PTPRD: variants seen among roughly 807,000 people sequenced by gnomAD.
The protein encoded by PTPRD is protein tyrosine phosphatase receptor type D.
PTPRD carries 34 observed loss-of-function variants against 214.5 expected under a neutral mutation model. The observed-to-expected ratio is 0.16, with a 90% CI of 0.12 to 0.21. The LOEUF (loss-of-function observed/expected upper bound fraction) is 0.21. Among genes scored for constraint, PTPRD ranks in the 10% least tolerant of loss-of-function variants. The pLI, the probability that PTPRD is intolerant of heterozygous loss-of-function variation, is 1.00. For synonymous variants in PTPRD, 1,128 were observed against 845.7 expected, an observed-to-expected ratio of 1.33 and a Z score of -5.79; for missense variants, 2,545 against 2,398.7, an observed-to-expected ratio of 1.06 and a Z score of -1.27.
intron 14 of PTPRD, among the ~76,000 whole-genome samples, chr9:8,617,596 A>G (rs1353149878): frequency 2.0e-5 from 3 of 152,112 alleles, no homozygotes. Context: ...GGGATAAGCA[A>G]TACTGATTTC....
At chr9:8,350,379 C>G (rs2075111028) in intron 39 of PTPRD, among the ~76,000 whole-genome samples, 1 of 152,062 alleles carries the variant, frequency 6.6e-6, no homozygotes, top group Non-Finnish European at 1.5e-5. Context: ...CTAAAAAAAT[C>G]ATTGTGAGCA....
At chr9:9,054,710 T>C (rs2099693027) in intron 10 of PTPRD, among the ~76,000 whole-genome samples, 1 of 152,228 alleles carries the variant, frequency 6.6e-6, no homozygotes, top group Non-Finnish European at 1.5e-5. Context: ...CATTCATTGA[T>C]CATATACTGG....
At chr9:8,321,255 A>G (rs990244584) in intron 44 of PTPRD, among the ~76,000 whole-genome samples, 1 of 151,756 alleles carries the variant, frequency 6.6e-6, no homozygotes, top group African/African-American at 2.4e-5. Flanking sequence ...TTACCTTGCC[A>G]GAGTCTATCT....
intron 11 of PTPRD, among the ~76,000 whole-genome samples, chr9:8,822,511 G>T (rs2097091271): frequency 6.6e-6 from 1 of 152,176 alleles, no homozygotes; most frequent in Non-Finnish European, 1.5e-5. Context: ...TGGTTGGAAA[G>T]TTAAGGACAT....
intron 3 of PTPRD, among the ~76,000 whole-genome samples, chr9:10,086,775 A>T (rs559999181): frequency 6.6e-5 from 10 of 151,984 alleles, no homozygotes; most frequent in African/African-American, 2.4e-4. Flanking sequence ...TCGCTGTTGC[A>T]ACTTTTCTTT....
At chr9:8,526,597 A>G (rs2074226717) in intron 17 of PTPRD, 30 bp downstream of exon 17, 1 of 1,555,626 alleles carries the variant, frequency 6.4e-7, no homozygotes, top group African/African-American at 1.4e-5. Flanking sequence ...GAGTAAGATC[A>G]TTCTGTGAAC....
intron 10 of PTPRD, among the ~76,000 whole-genome samples, chr9:9,154,487 T>G (rs551442586): frequency 6.6e-6 from 1 of 152,288 alleles, no homozygotes; most frequent in East Asian, 1.9e-4. Flanking sequence ...GTGCTAGCCT[T>G]CTGGTCTCTT....
chr9:9,321,742 T>G (rs946144084), intron 9 of PTPRD, among the ~76,000 whole-genome samples: 1 of 152,176 alleles, frequency 6.6e-6, no homozygotes, highest in Admixed American at 6.5e-5. Flanking sequence ...ATTTTCTCTA[T>G]CTTGATTTCT....
chr9:9,745,284 G>A (rs1011766630), intron 6 of PTPRD, among the ~76,000 whole-genome samples: 10 of 151,988 alleles, frequency 6.6e-5, no homozygotes, highest in African/African-American at 1.9e-4. Flanking sequence ...AAATGCTGTG[G>A]ACTATGCTAA....
intron 7 of PTPRD, among the ~76,000 whole-genome samples, chr9:9,678,625 T>C (rs1458838045): frequency 6.6e-6 from 1 of 151,906 alleles, no homozygotes; most frequent in Non-Finnish European, 1.5e-5. Flanking sequence ...TTTGGCAACT[T>C]TGGTGACTAT....
In PTPRD at chr9:8,810,298, G is replaced by C. The variant is rs536627252; in HGVS notation, c.-103-76352C>G. On this transcript the variant is annotated intron_variant, in intron 11 of 45. Coordinates refer to ENST00000381196, the MANE Select transcript of PTPRD (RefSeq NM_002839.4). ...ATATAAACAACATGCCCATTTCCTTGGCTTTGAGATGATGTTACCATTGCC... is the reference window on the plus strand; with the variant it reads ...ATATAAACAACATGCCCATTTCCTTCGCTTTGAGATGATGTTACCATTGCC... 1.5e-4 allele frequency among the ~76,000 whole-genome samples: 23 copies of C among 152,208 alleles called. No individual in the cohort carries two copies. In the South Asian group the frequency reaches 4.4e-3, roughly 29 times the overall value.
chr9:10,017,008 T>C (rs1049416152), intron 4 of PTPRD, among the ~76,000 whole-genome samples: 1 of 152,166 alleles, frequency 6.6e-6, no homozygotes, highest in Non-Finnish European at 1.5e-5. Context: ...AATGAGAAGT[T>C]TGTGTCACGG....
At chr9:10,236,028 A>G (rs1015349102) in intron 3 of PTPRD, among the ~76,000 whole-genome samples, 2 of 151,952 alleles carry the variant, frequency 1.3e-5, no homozygotes, top group African/African-American at 4.8e-5. Flanking sequence ...GATTTACACT[A>G]GAAAACAGGA....
intron 7 of PTPRD, among the ~76,000 whole-genome samples, chr9:9,614,755 A>G (rs535258691): frequency 6.6e-6 from 1 of 152,336 alleles, no homozygotes; most frequent in African/African-American, 2.4e-5. Context: ...AATTTTTCAT[A>G]TCAAAAAACA....
chr9:10,229,020 G>C (rs570868088), intron 3 of PTPRD, among the ~76,000 whole-genome samples: 4 of 151,794 alleles, frequency 2.6e-5, no homozygotes, highest in Non-Finnish European at 4.4e-5. Context: ...ATGTTTTGCC[G>C]GTATATGAGA....
At chr9:10,424,012 G>A (rs1423986983) in intron 2 of PTPRD, among the ~76,000 whole-genome samples, 1 of 151,916 alleles carries the variant, frequency 6.6e-6, no homozygotes, top group Non-Finnish European at 1.5e-5. Flanking sequence ...ATTAATTGCG[G>A]AAAGCTACTT....
intron 9 of PTPRD, among the ~76,000 whole-genome samples, chr9:9,297,257 T>C (rs1953429593): frequency 6.6e-6 from 1 of 151,676 alleles, no homozygotes; most frequent in South Asian, 2.1e-4. Flanking sequence ...AAAATAATGA[T>C]AATTAAAATA....
chr9:9,782,684 G>A (rs2098862351), intron 5 of PTPRD, among the ~76,000 whole-genome samples: 1 of 152,130 alleles, frequency 6.6e-6, no homozygotes, highest in Non-Finnish European at 1.5e-5. Flanking sequence ...GAAGACAAAA[G>A]AAGGAAACAA....
intron 14 of PTPRD, among the ~76,000 whole-genome samples, chr9:8,575,686 C>G (rs370163053): frequency 9.9e-5 from 15 of 152,264 alleles, no homozygotes; most frequent in African/African-American, 3.6e-4. Flanking sequence ...AGAAGGCTCA[C>G]TTTTTGCTCA....
Sources: allele counts gnomAD v4.1 joint callset (sites outside exome capture counted in the v4.1 genomes callset), GRCh38; gene constraint gnomAD v4.1.1; transcripts MANE v1.5; gene names NCBI Gene and HGNC (gene_info 2026-07-23, HGNC 2026-07-21).